The following LRRC3B variants were observed in gnomAD, a reference collection of about 807,000 sequenced individuals.
The protein encoded by LRRC3B is leucine rich repeat containing 3B, also known as leucine-rich repeat-containing protein 3B.
A neutral mutation model predicts 12.8 loss-of-function variants in LRRC3B; 2 were observed. That is an observed-to-expected ratio of 0.16 (90% CI 0.06 to 0.49). The LOEUF (loss-of-function observed/expected upper bound fraction) is 0.49, where lower values mean the gene tolerates loss of function less well. Ranked by LOEUF, LRRC3B falls within the 20% of genes least tolerant of loss-of-function variation. The pLI, the probability that LRRC3B is intolerant of heterozygous loss-of-function variation, is 0.96. For synonymous variants in LRRC3B, 132 were observed against 122.0 expected (o/e 1.08, Z -0.54); for missense variants, 189 against 319.4 (o/e 0.59, Z 3.11).
intron 1 of LRRC3B, among the ~76,000 whole-genome samples, chr3:26,642,380 G>A (rs1449904113): frequency 1.3e-5 from 2 of 152,302 alleles, no homozygotes; most frequent in Middle Eastern, 3.4e-3. Flanking sequence ...AGCAGACCTT[G>A]TAATAGCTTA....
At chr3:26,672,842 A>G (rs1299681813) in intron 1 of LRRC3B, among the ~76,000 whole-genome samples, 1 of 152,196 alleles carries the variant, frequency 6.6e-6, no homozygotes, top group Admixed American at 6.5e-5. Flanking sequence ...AAACAACTCC[A>G]TAGTACGCTT....
At chr3:26,708,111 G>T (rs1161764482) in intron 1 of LRRC3B, among the ~76,000 whole-genome samples, 1 of 152,028 alleles carries the variant, frequency 6.6e-6, no homozygotes, top group Non-Finnish European at 1.5e-5. Flanking sequence ...TATCCATCTG[G>T]GATCTTCATA....
chr3:26,673,322 C>A (rs1464040337), intron 1 of LRRC3B, among the ~76,000 whole-genome samples: 1 of 151,886 alleles, frequency 6.6e-6, no homozygotes, highest in Non-Finnish European at 1.5e-5. Context: ...TAATGCTGTG[C>A]CTTTAGATAC....
intron 1 of LRRC3B, among the ~76,000 whole-genome samples, chr3:26,642,168 C>T (rs1175553396): frequency 2.6e-5 from 4 of 152,214 alleles, no homozygotes; most frequent in South Asian, 2.1e-4. Context: ...TATTCCATGT[C>T]AGGAGGCTTC....
intron 1 of LRRC3B, among the ~76,000 whole-genome samples, chr3:26,677,337 A>C (rs1039296360): frequency 6.6e-6 from 1 of 152,202 alleles, no homozygotes; most frequent in Admixed American, 6.5e-5. Flanking sequence ...TGTACTTCCC[A>C]TAATGTTTCA....
intron 1 of LRRC3B, among the ~76,000 whole-genome samples, chr3:26,655,229 T>C (rs1226184156): frequency 1.3e-5 from 2 of 152,210 alleles, no homozygotes; most frequent in Middle Eastern, 3.2e-3. Context: ...AGAATTTCTT[T>C]ATCTAGTAAA....
chr3:26,687,582 T>C (rs2125446625), intron 1 of LRRC3B, among the ~76,000 whole-genome samples: 1 of 152,304 alleles, frequency 6.6e-6, no homozygotes, highest in South Asian at 2.1e-4. Context: ...ATCCCAGAGA[T>C]CGTTTCCATA....
chr3:26,705,676 GAGGGAGTTTTAGGCTTTCAAGCTA>G (rs1032859634), intron 1 of LRRC3B, among the ~76,000 whole-genome samples: 1 of 152,074 alleles, frequency 6.6e-6, no homozygotes, highest in Non-Finnish European at 1.5e-5. Context: ...ATCAAAGCAG[GAGGGAGTTTTAGGCTTTCAAGCTA>G]AGGGAGTTTT....
At chr3:26,656,083 A>C (rs1205899627) in intron 1 of LRRC3B, among the ~76,000 whole-genome samples, 2 of 152,076 alleles carry the variant, frequency 1.3e-5, no homozygotes, top group African/African-American at 4.8e-5. Context: ...TAGCTCAATG[A>C]TTTATGAAAG....
At chr3:26,649,131 T>C (rs1179247106) in intron 1 of LRRC3B, among the ~76,000 whole-genome samples, 1 of 152,220 alleles carries the variant, frequency 6.6e-6, no homozygotes. Context: ...GAGAAAAGAA[T>C]TAGAAATAGA....
At chr3:26,669,763 A>T (rs1200830001) in intron 1 of LRRC3B, among the ~76,000 whole-genome samples, 2 of 152,218 alleles carry the variant, frequency 1.3e-5, no homozygotes, top group Non-Finnish European at 2.9e-5. Flanking sequence ...CCGGTGAAAG[A>T]TGATTTTTTT....
At chr3:26,643,224 T>G (rs1303372825) in intron 1 of LRRC3B, among the ~76,000 whole-genome samples, 1 of 151,440 alleles carries the variant, frequency 6.6e-6, no homozygotes. Context: ...TCCAGAATGG[T>G]GATGTGGTTT....
chr3:26,643,255 AGTG>A (rs1699070808), intron 1 of LRRC3B, among the ~76,000 whole-genome samples: 1 of 136,842 alleles, frequency 7.3e-6, no homozygotes, highest in Non-Finnish European at 1.6e-5. Flanking sequence ...CATATGTGTG[AGTG>A]TGTGTGTGTG....
intron 1 of LRRC3B, among the ~76,000 whole-genome samples, chr3:26,683,571 C>T (rs371085206): frequency 4.6e-5 from 7 of 152,284 alleles, no homozygotes; most frequent in South Asian, 2.1e-4. Context: ...AAAGCACAGC[C>T]GTATTCAAAG....
chr3:26,667,440 C>T (rs1380864928), intron 1 of LRRC3B, among the ~76,000 whole-genome samples: 1 of 152,160 alleles, frequency 6.6e-6, no homozygotes, highest in African/African-American at 2.4e-5. Flanking sequence ...ATTCTTTTCT[C>T]ACCTAGCAAC....
chr3:26,629,094 C>G (rs998066075), intron 1 of LRRC3B, among the ~76,000 whole-genome samples: 1 of 152,112 alleles, frequency 6.6e-6, no homozygotes, highest in African/African-American at 2.4e-5. Context: ...TGAAGCTATT[C>G]TCAACCATGG....
At chr3:26,667,358 G>T (rs1054238326) in intron 1 of LRRC3B, among the ~76,000 whole-genome samples, 2 of 152,128 alleles carry the variant, frequency 1.3e-5, no homozygotes, top group Non-Finnish European at 2.9e-5. Flanking sequence ...ACTAGCTTTG[G>T]CTGCAAATAC....
chr3:26,700,685 T>A (rs933015663), intron 1 of LRRC3B, among the ~76,000 whole-genome samples: 5 of 152,222 alleles, frequency 3.3e-5, no homozygotes, highest in African/African-American at 1.2e-4. Context: ...GGTCCTTGTT[T>A]CCTATCTTAG....
chr3:26,666,127 G>A (rs755352573), intron 1 of LRRC3B, among the ~76,000 whole-genome samples: 9 of 152,102 alleles, frequency 5.9e-5, no homozygotes, highest in Non-Finnish European at 1.0e-4. Context: ...TAAGTTTATC[G>A]TGGGATGCCT....
Sources: gnomAD v4.1 joint callset for allele counts (sites outside exome capture counted in the v4.1 genomes callset) on GRCh38, gnomAD v4.1.1 for gene constraint, MANE v1.5 for transcripts, NCBI Gene and HGNC (gene_info 2026-07-23, HGNC 2026-07-21) for gene names.